The following MEGF11 variants were observed in gnomAD, a reference collection of about 807,000 sequenced individuals.
MEGF11 encodes multiple epidermal growth factor-like domains protein 11.
A neutral mutation model predicts 146.6 loss-of-function variants in MEGF11; 126 were observed. That is an observed-to-expected ratio of 0.86 (90% CI 0.74 to 1.00). MEGF11 has a LOEUF of 1.00. MEGF11 is among the 50% of genes least tolerant of loss of function. The pLI, the probability that MEGF11 is intolerant of heterozygous loss-of-function variation, is 0.00. For synonymous variants in MEGF11, 532 were observed against 583.4 expected (o/e 0.91, Z 1.27); for missense variants, 1,509 against 1,521.2 (o/e 0.99, Z 0.13).
chr15:65,942,969 C>G (rs2080055376), intron 10 of MEGF11, among the ~76,000 whole-genome samples: 1 of 127,228 alleles, frequency 7.9e-6, no homozygotes, highest in Non-Finnish European at 1.6e-5. Flanking sequence ...AAAAAAACAA[C>G]TTGGCTTTTT....
At chr15:65,940,665 GAGAA>G (rs1298682514) in intron 10 of MEGF11, among the ~76,000 whole-genome samples, 1 of 152,234 alleles carries the variant, frequency 6.6e-6, no homozygotes, top group African/African-American at 2.4e-5. Context: ...CCACAGGGAT[GAGAA>G]AGAGAGAGAC....
intron 8 of MEGF11, among the ~76,000 whole-genome samples, chr15:65,965,600 C>CTTTCTTTCTTTCTTTTTT (rs1555456992): frequency 5.3e-5 from 1 of 18,880 alleles, no homozygotes; most frequent in Non-Finnish European, 9.0e-5. Flanking sequence ...TTCTTTCTTT[C>CTTTCTTTCTTTCTTTTTT]TTTTTTTTTT....
At position 66,234,225 on chromosome 15, in the gene MEGF11, C is replaced by T. The variant is rs144104217; in HGVS notation, c.-9+19380G>A. Among the ~76,000 whole-genome samples the T allele has an allele frequency of 1.9e-3, 291 of 152,286 alleles. 3 individuals are homozygous for T. The highest frequency in any genetic ancestry group is 6.7e-3 in the African/African-American group (277 of 41,570). ...GACATTGTCATTTCTGAATGTAAGA[C>T]TGGAACTACTGCAGCCATGTCACCA... On this transcript the variant is annotated intron_variant, in intron 1 of 25. Transcript: ENST00000395614.
rs749327603 is a variant in MEGF11, at chr15:65,916,967, G to C, written c.2087-11C>G. 1 of 1,496,620 alleles carries C rather than the reference G, an allele frequency of 6.7e-7. No individual in the cohort carries two copies. The allele number at this position is 1,496,620 out of a possible 1,614,324, so 92.7% of individuals were successfully genotyped here. ...ACCCGGGTGGGCAAGCTGGGATGTC[G>C]GTGAAATGCAGAGGGTGAGGGGAAG... On this transcript the variant is annotated splice_polypyrimidine_tract_variant and intron_variant, in intron 16 of 25. Transcript: ENST00000395614.
chr15:66,236,149 T>A (rs888705001), intron 1 of MEGF11, among the ~76,000 whole-genome samples: 1 of 152,046 alleles, frequency 6.6e-6, no homozygotes, highest in African/African-American at 2.4e-5. Flanking sequence ...GGCTTTGCAG[T>A]CAGAAAACAA....
chr15:66,096,403 T>C (rs1372001713), intron 4 of MEGF11, among the ~76,000 whole-genome samples: 1 of 152,254 alleles, frequency 6.6e-6, no homozygotes, highest in Non-Finnish European at 1.5e-5. Context: ...AGCTGAGGCC[T>C]GAGCGTTCAT....
intron 1 of MEGF11, among the ~76,000 whole-genome samples, chr15:66,147,751 A>G (rs925891849): frequency 8.0e-5 from 12 of 150,060 alleles, no homozygotes; most frequent in African/African-American, 2.8e-4. Context: ...GCTCAGCCCC[A>G]GAACACAACA....
intron 5 of MEGF11, among the ~76,000 whole-genome samples, chr15:66,028,592 C>A (rs1450095849): frequency 6.6e-6 from 1 of 152,166 alleles, no homozygotes. Context: ...TATTTATATG[C>A]ATGAAGATAT....
intron 5 of MEGF11, among the ~76,000 whole-genome samples, chr15:66,058,869 A>C (rs1176989522): frequency 1.3e-5 from 2 of 152,002 alleles, no homozygotes; most frequent in Non-Finnish European, 2.9e-5. Flanking sequence ...AAATATCTCC[A>C]TATTAGCTGA....
rs544957187 is a variant in MEGF11 at position 66,119,465 on chromosome 15, T to C, written c.201-279A>G. On this transcript the variant is annotated intron_variant, in intron 3 of 25. Coordinates refer to ENST00000395614, the MANE Select transcript of MEGF11 (RefSeq NM_001385028.1). ...GCAGAAGATACTTTCTGGAGTGACA[T>C]TGTGGAGGGCAACCATGAACTTCTC... Among the ~76,000 whole-genome samples, 12 of 152,302 alleles carry C rather than the reference T, an allele frequency of 7.9e-5. No homozygotes were observed. In the East Asian group the frequency reaches 2.1e-3, roughly 27 times the overall value.
intron 7 of MEGF11, among the ~76,000 whole-genome samples, chr15:65,980,380 G>T (rs1397480153): frequency 6.7e-6 from 1 of 150,272 alleles, no homozygotes; most frequent in African/African-American, 2.5e-5. Context: ...TATTCAGAGT[G>T]GGAGAAGAAT....
chr15:65,945,855 C>T (rs113139869), intron 10 of MEGF11, among the ~76,000 whole-genome samples: 189 of 152,256 alleles, frequency 1.2e-3, no homozygotes, highest in Non-Finnish European at 2.4e-3. Flanking sequence ...TGGGTTTACC[C>T]GCAGCTCACA....
chr15:65,916,954 A>G lies in MEGF11; in HGVS notation c.2089T>C (p.Cys697Arg). 6.6e-7 allele frequency: 1 copy of G among 1,508,740 alleles called. No individual in the cohort carries two copies. The highest frequency in any genetic ancestry group is 2.4e-5 in the East Asian group (1 of 41,014). The allele number at this position is 1,508,740 out of a possible 1,614,324, so 93.5% of individuals were successfully genotyped here. The change falls in exon 17 of 26, where the codon TGC (cysteine) becomes CGC (arginine). Residue 697 changes from cysteine (C) to arginine (R), a missense_variant and splice_region_variant. Cys to Arg is a radical substitution (Grantham distance 180, BLOSUM62 -3). Coordinates refer to ENST00000395614, the MANE Select transcript of MEGF11 (RefSeq NM_001385028.1). ...GWIGKDCSQACPPGFWGPACF... is the reference protein window; with the variant it reads ...GWIGKDCSQARPPGFWGPACF... ...GCGGGGCCCCAGAACCCGGGTGGGC[A>G]AGCTGGGATGTCGGTGAAATGCAGA...
intron 1 of MEGF11, among the ~76,000 whole-genome samples, chr15:66,156,112 G>A (rs565231535): frequency 6.6e-6 from 1 of 152,310 alleles, no homozygotes; most frequent in South Asian, 2.1e-4. Flanking sequence ...CTCAGCCAAT[G>A]TGGCCTGGAG....
chr15:66,246,611 C>A (rs1485946603), intron 1 of MEGF11, among the ~76,000 whole-genome samples: 1 of 151,752 alleles, frequency 6.6e-6, no homozygotes, highest in African/African-American at 2.4e-5. Context: ...AGGACACTAG[C>A]CTGGGCAATA....
intron 4 of MEGF11, among the ~76,000 whole-genome samples, chr15:66,095,626 T>C (rs2086513540): frequency 6.6e-6 from 1 of 152,080 alleles, no homozygotes; most frequent in Non-Finnish European, 1.5e-5. Flanking sequence ...CTCTGGCCCC[T>C]CCTAAGCACA....
chr15:66,124,245 C>G (rs746947535), intron 2 of MEGF11, among the ~76,000 whole-genome samples: 1 of 152,044 alleles, frequency 6.6e-6, no homozygotes, highest in African/African-American at 2.4e-5. Context: ...TTCTAAAATT[C>G]GAGTTCATTT....
chr15:65,964,929 C>T lies in MEGF11; in HGVS notation c.1091G>A (p.Cys364Tyr). 1 of 1,569,610 alleles carries T rather than the reference C, an allele frequency of 6.4e-7. No homozygotes were observed. Among genetic ancestry groups the T allele is most frequent in the Non-Finnish European group, 8.6e-7 (1 of 1,156,650 alleles). ...ATACCTGATGGTGTTGTCAGCGTCA[C>T]AGGGGCAGGGCAGGGTGCAGCCTGG... is the stretch of plus-strand genomic sequence containing the variant. ...HGPGCTLPCPCDADNTISCHP... is the reference protein window; with the variant it reads ...HGPGCTLPCPYDADNTISCHP... Residue 364 changes from cysteine (C) to tyrosine (Y), a missense_variant, in exon 9 of 26, where the codon TGT (cysteine) becomes TAT (tyrosine). Cys to Tyr is a radical substitution (Grantham distance 194). Coordinates refer to ENST00000395614, the MANE Select transcript of MEGF11 (RefSeq NM_001385028.1).
At chr15:66,077,372 A>G (rs908065026) in intron 5 of MEGF11, among the ~76,000 whole-genome samples, 5 of 152,190 alleles carry the variant, frequency 3.3e-5, no homozygotes, top group African/African-American at 1.2e-4. Context: ...GCTTCCTCTG[A>G]AGGACCAATT....
Sources: gnomAD v4.1 joint callset for allele counts (sites outside exome capture counted in the v4.1 genomes callset) on GRCh38, gnomAD v4.1.1 for gene constraint, MANE v1.5 for transcripts, NCBI Gene and HGNC (gene_info 2026-07-23, HGNC 2026-07-21) for gene names.